The following IDH3B variants were observed in gnomAD, a reference collection of about 807,000 sequenced individuals.
IDH3B encodes isocitrate dehydrogenase [NAD] subunit beta, mitochondrial.
Under a neutral mutation model 47.5 loss-of-function variants are expected in IDH3B, and 40 were observed. The ratio of observed to expected loss-of-function variants is 0.84; its 90% CI spans 0.65 to 1.10. The LOEUF (loss-of-function observed/expected upper bound fraction) is 1.10. Ranked by LOEUF, IDH3B falls within the 50% of genes least tolerant of loss-of-function variation. The pLI, the probability that IDH3B is intolerant of heterozygous loss-of-function variation, is 0.00. For missense variants in IDH3B, 450 were observed against 505.2 expected (o/e 0.89, Z 1.05); for synonymous variants, 185 against 191.0 (o/e 0.97, Z 0.26).
chr20:2,659,420 G>GCTCCCT (rs2086893690), intron 11 of IDH3B, 105 bp downstream of exon 11: 2 of 1,517,726 alleles, frequency 1.3e-6, no homozygotes. Context: ...CTGGGGACCT[G>GCTCCCT]GGGGGAAAGG....
At chr20:2,663,608 T>C in intron 3 of IDH3B, 42 bp from the exon 4 acceptor site, 15 of 1,614,114 alleles carry the variant, frequency 9.3e-6, no homozygotes, top group Non-Finnish European at 1.2e-5. Context: ...CAAGGCCAAG[T>C]CCTTTCCAAC....
chr20:2,660,718 C>G lies in IDH3B; in HGVS notation c.510G>C (p.Glu170Asp). The stretch of plus-strand genomic sequence containing the variant: ...TCACCTCATGTTCCAGAGAGCTGTA[C>G]TCCCCTTCTGTCTGCTCTCGAATGA... ...LVIIREQTEG[E>D]YSSLEHESAR... The change falls in exon 6 of 12, where the codon GAG becomes GAC. Residue 170 changes from glutamate (E) to aspartate (D), a missense_variant. Glu to Asp is a conservative substitution (Grantham distance 45, BLOSUM62 2). Transcript: ENST00000380843. This position sits in a 1 kb window ranked among gnomAD's most constrained non-coding sequence, Gnocchi z 5.6. 5.0e-6 allele frequency: 8 copies of G among 1,614,222 alleles called. No individual in the cohort carries two copies. Among genetic ancestry groups the G allele is most frequent in the Non-Finnish European group, 6.8e-6 (8 of 1,180,042 alleles).
At position 2,660,100 on chromosome 20, in the gene IDH3B, G is replaced by T; in HGVS notation, c.845C>A (p.Ala282Asp). 6.2e-7 allele frequency: 1 copy of T among 1,614,142 alleles called. No homozygotes were observed. Among genetic ancestry groups the T allele is most frequent in the African/African-American group, 1.3e-5 (1 of 75,034 alleles). ...CACACCAGCTCCCCCAACCAGGCCA[G>T]CAGCCAGATTGTCAATAATGTTCCC... ...LYGNIIDNLA[A>D]GLVGGAGVVP... The change falls in exon 9 of 12, where the codon GCT becomes GAT. Residue 282 changes from alanine to aspartate, a missense_variant. Physicochemically the swap from Ala to Asp is moderately radical, Grantham distance 126. Coordinates refer to ENST00000380843, the MANE Select transcript of IDH3B (RefSeq NM_006899.5). This position sits in a 1 kb window ranked among gnomAD's most constrained non-coding sequence, Gnocchi z 5.6.
In IDH3B at chr20:2,660,044, C is replaced by T. The variant is rs780655798; in HGVS notation, c.901G>A (p.Ala301Thr). The change falls in exon 9 of 12, where the codon GCA (alanine) becomes ACA (threonine). Residue 301 changes from alanine to threonine, a missense_variant. Coordinates refer to ENST00000380843, the MANE Select transcript of IDH3B (RefSeq NM_006899.5). The surrounding 1 kb of genome is among the most constrained non-coding windows in gnomAD (Gnocchi z 5.6). ...VPGESYSAEY[A>T]VFETGARHPF... ...AGCAGCCTCACCGTCTCAAAGACTG[C>T]GTATTCTGCACTATAGCTCTCACCA... 5 of 1,614,096 alleles carry T rather than the reference C, an allele frequency of 3.1e-6. No individual in the cohort carries two copies. Among genetic ancestry groups the T allele is most frequent in the South Asian group, 1.1e-5 (1 of 91,082 alleles).
Position 2,660,916 on chromosome 20 carries a change from G to A in IDH3B, c.391C>T (p.Arg131Trp), listed in dbSNP as rs762900851. Residue 131 changes from arginine (R) to tryptophan (W), a missense_variant, in exon 5 of 12, where the codon CGG becomes TGG. Transcript: ENST00000380843. The surrounding 1 kb of genome is among the most constrained non-coding windows in gnomAD (Gnocchi z 5.6). ...CCCACCCAGACCACCTACCTCAGCC[G>A]CATATCATAGGAGGCTAGCTCCCCC... Reference protein sequence around the residue: ...YKGELASYDMRLRRKLDLFAN... With the variant: ...YKGELASYDMWLRRKLDLFAN... 5.0e-6 allele frequency: 8 copies of A among 1,613,776 alleles called. No individual in the cohort carries two copies. Among genetic ancestry groups the A allele is most frequent in the Non-Finnish European group, 5.9e-6 (7 of 1,179,850 alleles).
At chr20:2,659,958 G>A (rs906455218) in intron 9 of IDH3B, 72 bp downstream of exon 9, 6 of 1,584,406 alleles carry the variant, frequency 3.8e-6, no homozygotes, top group Middle Eastern at 1.7e-4. Flanking sequence ...CTTAGGAAGT[G>A]GAGATATTGG....
rs772131344 is a variant in IDH3B at position 2,658,444 on chromosome 20, A to G, written c.*307T>C. ...CCTTACATGGGTATGGACAGGGCCTATGGGTGGGGCAAGGCAGCAATGACA... is the reference window on the plus strand; with the variant it reads ...CCTTACATGGGTATGGACAGGGCCTGTGGGTGGGGCAAGGCAGCAATGACA... On this transcript the variant is annotated 3_prime_UTR_variant, in exon 12 of 12. Transcript: ENST00000380843. 8.7e-6 allele frequency: 14 copies of G among 1,614,032 alleles called. No homozygotes were observed. The highest frequency in any genetic ancestry group is 1.2e-5 in the Non-Finnish European group (14 of 1,180,008).
chr20:2,660,420 C>T lies in IDH3B; in HGVS notation c.665+37G>A. 6.2e-7 allele frequency: 1 copy of T among 1,614,096 alleles called. No homozygotes were observed. Among genetic ancestry groups the T allele is most frequent in the Non-Finnish European group, 8.5e-7 (1 of 1,179,996 alleles). ...GCCAAGAAAGTACAGGGGCTACCTT[C>T]CCAGGAACCCATCCTACACAAAGCC... On this transcript the variant is annotated intron_variant, in intron 7 of 11. Transcript: ENST00000380843. The surrounding 1 kb of genome is among the most constrained non-coding windows in gnomAD (Gnocchi z 5.6).
In IDH3B at chr20:2,660,184, G is replaced by T; in HGVS notation, c.769-8C>A. Reference sequence around the variant, plus strand: ...GTAAGGATTCTGCACCAGCTAGAGGGTGAGATGCAGGCATGAAGTAAATTC... The same window carrying T: ...GTAAGGATTCTGCACCAGCTAGAGGTTGAGATGCAGGCATGAAGTAAATTC... On this transcript the variant is annotated splice_polypyrimidine_tract_variant and splice_region_variant and intron_variant, in intron 8 of 11. Coordinates refer to ENST00000380843, the MANE Select transcript of IDH3B (RefSeq NM_006899.5). This position sits in a 1 kb window ranked among gnomAD's most constrained non-coding sequence, Gnocchi z 5.6. The T allele has an allele frequency of 6.2e-7, 1 of 1,614,170 alleles. No individual in the cohort carries two copies. The highest frequency in any genetic ancestry group is 8.5e-7 in the Non-Finnish European group (1 of 1,180,032).
Position 2,663,578 on chromosome 20 carries a change from G to C in IDH3B, c.217-12C>G. 1 of 1,614,174 alleles carries C rather than the reference G, an allele frequency of 6.2e-7. No individual in the cohort carries two copies. The highest frequency in any genetic ancestry group is 8.5e-7 in the Non-Finnish European group (1 of 1,180,042). On this transcript the variant is annotated splice_polypyrimidine_tract_variant and intron_variant, in intron 3 of 11. Transcript: ENST00000380843. ...GGGACAGCGGCAGCCTTCAGAGACAGGTTCCCAAAACATCACAGTCAAGGC... is the reference window on the plus strand; with the variant it reads ...GGGACAGCGGCAGCCTTCAGAGACACGTTCCCAAAACATCACAGTCAAGGC...
Position 2,660,904 on chromosome 20 carries a change from C to A in IDH3B, c.398+5G>T, listed in dbSNP as rs760502361. The stretch of plus-strand genomic sequence containing the variant: ...TCAACCATTCACCCCACCCAGACCA[C>A]CTACCTCAGCCGCATATCATAGGAG... On this transcript the variant is annotated splice_donor_5th_base_variant and intron_variant, in intron 5 of 11. Coordinates refer to ENST00000380843, the MANE Select transcript of IDH3B (RefSeq NM_006899.5). This position sits in a 1 kb window ranked among gnomAD's most constrained non-coding sequence, Gnocchi z 5.6. 2.5e-6 allele frequency: 4 copies of A among 1,614,226 alleles called. No individual in the cohort carries two copies. The highest frequency in any genetic ancestry group is 3.3e-5 in the Admixed American group (2 of 60,030).
At position 2,661,807 on chromosome 20, in the gene IDH3B, T is replaced by A. The variant is rs139925341; in HGVS notation, c.338-838A>T. On this transcript the variant is annotated intron_variant, in intron 4 of 11. Coordinates refer to ENST00000380843, the MANE Select transcript of IDH3B (RefSeq NM_006899.5). ...AAAGAGGAAATCCTCTCCAGTAATA[T>A]CAGGATACAGCACAGAAGAGCTGGC... is the stretch of plus-strand genomic sequence containing the variant. 4.7e-4 allele frequency among the ~76,000 whole-genome samples: 71 copies of A among 152,174 alleles called. No homozygotes were observed. The East Asian group carries it at 0.013, about 29-fold the overall frequency.
rs763607134 is a variant in IDH3B, at chr20:2,658,935, G to C, written c.1072-98C>G. Reference sequence around the variant, plus strand: ...TTGAGGAAATGGAAGCCAAGAATGCGTGACAGCCAGAAAAAAGGCAATGCA... The same window carrying C: ...TTGAGGAAATGGAAGCCAAGAATGCCTGACAGCCAGAAAAAAGGCAATGCA... On this transcript the variant is annotated intron_variant, in intron 11 of 11. Transcript: ENST00000380843. The C allele has an allele frequency of 1.3e-6, 2 of 1,570,348 alleles. 1 individual carries two copies. The highest frequency in any genetic ancestry group is 2.3e-5 in the South Asian group (2 of 88,048).
intron 4 of IDH3B, among the ~76,000 whole-genome samples, chr20:2,661,557 G>A (rs1249138469): frequency 6.6e-6 from 1 of 152,130 alleles, no homozygotes. Flanking sequence ...TTAACAACAA[G>A]TTGAAAAACA....
intron 11 of IDH3B, chr20:2,659,156 C>T: frequency 7.0e-7 from 1 of 1,434,216 alleles, no homozygotes; most frequent in Non-Finnish European, 9.1e-7. Context: ...GAAAGAATCA[C>T]AGCGAAAAGG....
chr20:2,659,991 T>A, intron 9 of IDH3B, 39 bp downstream of exon 9: 1 of 1,613,360 alleles, frequency 6.2e-7, no homozygotes, highest in Non-Finnish European at 8.5e-7. Flanking sequence ...ATGGCGGACT[T>A]GAGGTCAGAG....
rs768067139 is a variant in IDH3B at position 2,658,398 on chromosome 20, G to C, written c.*353C>G. On this transcript the variant is annotated 3_prime_UTR_variant, in exon 12 of 12. Transcript: ENST00000380843. ...AATAAAAACAAATTCACAAGAGTTG[G>C]TTCATGTTCTTTATTGAACACCTTA... The C allele has an allele frequency of 8.1e-6, 13 of 1,612,786 alleles. No homozygotes were observed. The highest frequency in any genetic ancestry group is 1.0e-5 in the Non-Finnish European group (12 of 1,179,410).
rs781697514 is a variant in IDH3B, at chr20:2,660,841, C to A, written c.399-12G>T. On this transcript the variant is annotated splice_polypyrimidine_tract_variant and intron_variant, in intron 5 of 11. Coordinates refer to ENST00000380843, the MANE Select transcript of IDH3B (RefSeq NM_006899.5). The surrounding 1 kb of genome is among the most constrained non-coding windows in gnomAD (Gnocchi z 5.6). Reference sequence around the variant, plus strand: ...AGTCCAACTTACGCCTGAGGGTGGGCAGGGCCATCAGCTCTGCTCCTGGTG... The same window carrying A: ...AGTCCAACTTACGCCTGAGGGTGGGAAGGGCCATCAGCTCTGCTCCTGGTG... 6 of 1,614,054 alleles carry A rather than the reference C, an allele frequency of 3.7e-6. No homozygotes were observed. In the Admixed American group the frequency reaches 1.0e-4, roughly 27 times the overall value.
At chr20:2,663,627 G>A (rs1001138607) in intron 3 of IDH3B, 33 bp downstream of exon 3, 2 of 1,614,098 alleles carry the variant, frequency 1.2e-6, no homozygotes, top group Non-Finnish European at 8.5e-7. Context: ...ACACACTACT[G>A]TCCTCTACTG....
Sources: gnomAD v4.1 joint callset for allele counts (sites outside exome capture counted in the v4.1 genomes callset) on GRCh38, gnomAD v4.1.1 for gene constraint, Gnocchi (gnomAD v3.1) non-coding constraint, MANE v1.5 for transcripts, NCBI Gene and HGNC (gene_info 2026-07-23, HGNC 2026-07-21) for gene names.